The following SH3GL2 variants were observed in gnomAD, a reference collection of about 807,000 sequenced individuals.
SH3GL2 encodes SH3 domain containing GRB2 like 2, endophilin A1.
In SH3GL2, 24 loss-of-function variants were observed where a neutral mutation model predicts 46.0. That is an observed-to-expected ratio of 0.52 (90% CI 0.38 to 0.73). The LOEUF (loss-of-function observed/expected upper bound fraction) is 0.73, where lower values mean the gene tolerates loss of function less well. Ranked by LOEUF, SH3GL2 falls within the 30% of genes least tolerant of loss-of-function variation. SH3GL2 has a pLI of 0.00. For missense variants in SH3GL2, 413 were observed against 424.2 expected (o/e 0.97, Z 0.23); for synonymous variants, 196 against 147.1 (o/e 1.33, Z -2.40).
intron 1 of SH3GL2, among the ~76,000 whole-genome samples, chr9:17,720,764 T>C (rs1056641097): frequency 2.6e-5 from 4 of 152,130 alleles, no homozygotes; most frequent in African/African-American, 7.2e-5. Context: ...AATTTAACTT[T>C]TCAGAAAGCC....
chr9:17,613,590 A>G (rs2134585341), intron 1 of SH3GL2, among the ~76,000 whole-genome samples: 1 of 152,332 alleles, frequency 6.6e-6, no homozygotes, highest in Admixed American at 6.5e-5. Context: ...TATTTGTCAA[A>G]TAAAGCACAA....
intron 1 of SH3GL2, among the ~76,000 whole-genome samples, chr9:17,664,175 C>A (rs1157891996): frequency 6.6e-6 from 1 of 152,148 alleles, no homozygotes; most frequent in Non-Finnish European, 1.5e-5. Flanking sequence ...TGCTATTCAG[C>A]TGTGAGGCTA....
intron 1 of SH3GL2, among the ~76,000 whole-genome samples, chr9:17,658,691 G>A (rs1259247316): frequency 2.0e-5 from 3 of 152,198 alleles, no homozygotes; most frequent in Admixed American, 1.3e-4. Flanking sequence ...TTTATTGGGA[G>A]GAGAGCTGTT....
chr9:17,587,143 A>G (rs894030215), intron 1 of SH3GL2, among the ~76,000 whole-genome samples: 1 of 152,220 alleles, frequency 6.6e-6, no homozygotes, highest in East Asian at 1.9e-4. Flanking sequence ...CGGAGGCTAC[A>G]GTGAGCCAAG....
intron 1 of SH3GL2, among the ~76,000 whole-genome samples, chr9:17,614,738 C>T (rs1818946987): frequency 6.6e-6 from 1 of 152,170 alleles, no homozygotes; most frequent in African/African-American, 2.4e-5. Context: ...TAAAGTTCTA[C>T]AGCTGAGAGG....
intron 1 of SH3GL2, chr9:17,735,635 C>T (rs1430797401): frequency 9.4e-6 from 2 of 213,532 alleles, no homozygotes. Context: ...GGGACTTGAG[C>T]ATATAAGATT....
intron 1 of SH3GL2, among the ~76,000 whole-genome samples, chr9:17,601,808 G>T (rs965795994): frequency 2.0e-5 from 3 of 152,144 alleles, no homozygotes; most frequent in African/African-American, 7.2e-5. Flanking sequence ...TTGGGGTATG[G>T]TCACTGGGGA....
intron 1 of SH3GL2, among the ~76,000 whole-genome samples, chr9:17,740,810 A>G (rs1294187361): frequency 1.3e-5 from 2 of 152,112 alleles, no homozygotes; most frequent in Non-Finnish European, 2.9e-5. Context: ...ACAGTTGACA[A>G]AGTGCTTTTA....
intron 1 of SH3GL2, among the ~76,000 whole-genome samples, chr9:17,694,286 G>T (rs1433525003): frequency 2.0e-5 from 3 of 152,144 alleles, no homozygotes; most frequent in Admixed American, 6.6e-5. Context: ...CCGGAAGCAA[G>T]CACATCTTCA....
intron 1 of SH3GL2, among the ~76,000 whole-genome samples, chr9:17,651,986 C>G (rs868539376): frequency 6.6e-6 from 1 of 152,110 alleles, no homozygotes; most frequent in African/African-American, 2.4e-5. Flanking sequence ...AATTATTAGC[C>G]TTTTCAAAAT....
chr9:17,655,124 C>G (rs1466962089), intron 1 of SH3GL2, among the ~76,000 whole-genome samples: 2 of 152,118 alleles, frequency 1.3e-5, no homozygotes, highest in African/African-American at 4.8e-5. Flanking sequence ...ACCTAAGGGC[C>G]TTAAGCCAGG....
At chr9:17,650,889 C>G (rs552256030) in intron 1 of SH3GL2, among the ~76,000 whole-genome samples, 1 of 152,242 alleles carries the variant, frequency 6.6e-6, no homozygotes, top group East Asian at 1.9e-4. Context: ...CACTGGTCAT[C>G]TTATGTCCTT....
intron 1 of SH3GL2, among the ~76,000 whole-genome samples, chr9:17,678,087 A>G (rs570652953): frequency 7.8e-4 from 118 of 152,072 alleles, no homozygotes; most frequent in African/African-American, 2.7e-3. Context: ...CGCAGTAAAC[A>G]TATGTGTATG....
rs546811446 is a variant in SH3GL2 at position 17,734,974 on chromosome 9, A to G, written c.46-12092A>G. On this transcript the variant is annotated intron_variant, in intron 1 of 8. Transcript: ENST00000380607. ...TATGGGATATAAATGATATCTTTAC[A>G]AAGTAATGCATTCTTCTTTCCCCTA... Among the ~76,000 whole-genome samples the G allele has an allele frequency of 2.0e-5, 3 of 152,278 alleles. No individual in the cohort carries two copies. The South Asian group carries it at 6.2e-4, about 32-fold the overall frequency.
chr9:17,639,685 T>C (rs1005049205), intron 1 of SH3GL2, among the ~76,000 whole-genome samples: 5 of 152,230 alleles, frequency 3.3e-5, no homozygotes, highest in Non-Finnish European at 5.9e-5. Flanking sequence ...AACATGTTCA[T>C]ACAGACTTTA....
chr9:17,595,484 T>G (rs79110011), intron 1 of SH3GL2, among the ~76,000 whole-genome samples: 1,829 of 152,274 alleles, frequency 0.012, 23 homozygotes, highest in South Asian at 0.026. Context: ...ATGGTGGGAG[T>G]GTAAACTGTT....
chr9:17,707,421 T>C (rs149906066), intron 1 of SH3GL2, among the ~76,000 whole-genome samples: 1 of 152,154 alleles, frequency 6.6e-6, no homozygotes, highest in African/African-American at 2.4e-5. Context: ...ATCTTTTATG[T>C]GTTTGAAAGC....
intron 1 of SH3GL2, among the ~76,000 whole-genome samples, chr9:17,605,463 A>T (rs1386107222): frequency 6.6e-6 from 1 of 152,112 alleles, no homozygotes; most frequent in African/African-American, 2.4e-5. Context: ...TGTATTGAGA[A>T]CCAGTATATG....
At chr9:17,682,521 C>G (rs1245745684) in intron 1 of SH3GL2, among the ~76,000 whole-genome samples, 1 of 151,910 alleles carries the variant, frequency 6.6e-6, no homozygotes, top group Non-Finnish European at 1.5e-5. Context: ...CACCTGGACA[C>G]AGGGAGGGGA....
Sources: allele counts gnomAD v4.1 joint callset (sites outside exome capture counted in the v4.1 genomes callset), GRCh38; gene constraint gnomAD v4.1.1; transcripts MANE v1.5; gene names NCBI Gene and HGNC (gene_info 2026-07-23, HGNC 2026-07-21).